ADGRV1: variants seen among roughly 807,000 people sequenced by gnomAD.
ADGRV1 encodes the protein G-protein coupled receptor 98.
A neutral mutation model predicts 596.2 loss-of-function variants in ADGRV1; 359 were observed. That is an observed-to-expected ratio of 0.60 (90% CI 0.55 to 0.66). The LOEUF (loss-of-function observed/expected upper bound fraction) is 0.66. Among genes scored for constraint, ADGRV1 ranks in the 30% least tolerant of loss-of-function variants. ADGRV1 has a pLI of 0.00. For synonymous variants in ADGRV1, 2,681 were observed against 2,679.2 expected (o/e 1.00, Z -0.02); for missense variants, 7,274 against 7,575.6 (o/e 0.96, Z 1.48).
In ADGRV1 at chr5:90,694,629, CG is replaced by C. The variant is rs1404085371; in HGVS notation, c.7874del (p.Arg2625LeufsTer11). ...CTTAGGTCAAGTGGCAGTCGAATGG[CG>C]TGTTGTTGGTGGAACAGCTACTGAA... is the stretch of plus-strand genomic sequence containing the variant. ...GSLGQVAVEW[R>X]VVGGTATEGL... On this transcript the variant is annotated frameshift_variant, in exon 33 of 90. Transcript: ENST00000405460. LOFTEE classifies it high-confidence loss of function. 1.9e-6 allele frequency: 3 copies of C among 1,613,296 alleles called. No homozygotes were observed. Among genetic ancestry groups the C allele is most frequent in the African/African-American group, 1.3e-5 (1 of 74,866 alleles).
chr5:90,894,764 T>C (rs1464828562), intron 83 of ADGRV1, among the ~76,000 whole-genome samples: 1 of 152,072 alleles, frequency 6.6e-6, no homozygotes, highest in Non-Finnish European at 1.5e-5. Context: ...CCTGTTTCAT[T>C]TTTCACCTTC....
intron 1 of ADGRV1, among the ~76,000 whole-genome samples, chr5:90,596,848 C>T (rs1273596614): frequency 2.0e-5 from 3 of 149,520 alleles, no homozygotes; most frequent in Admixed American, 6.7e-5. Context: ...AGAGGGAGAG[C>T]GAGAGGGAGA....
At chr5:91,092,986 G>T (rs747865395) in intron 86 of ADGRV1, among the ~76,000 whole-genome samples, 2 of 152,176 alleles carry the variant, frequency 1.3e-5, no homozygotes, top group African/African-American at 4.8e-5. Context: ...ATCCACACAG[G>T]TAGAGGCTGC....
At chr5:90,739,332 A>G (rs1210014756) in intron 50 of ADGRV1, among the ~76,000 whole-genome samples, 1 of 151,810 alleles carries the variant, frequency 6.6e-6, no homozygotes, top group Non-Finnish European at 1.5e-5. Flanking sequence ...AACTTTATTA[A>G]TTTCTTTTGG....
At chr5:90,892,123 A>G (rs1040008107) in intron 83 of ADGRV1, among the ~76,000 whole-genome samples, 2 of 152,096 alleles carry the variant, frequency 1.3e-5, no homozygotes, top group Non-Finnish European at 2.9e-5. Context: ...TCATTAGTGT[A>G]GATTTATCCA....
In ADGRV1 at chr5:90,635,121, C is replaced by A; in HGVS notation, c.1847C>A (p.Thr616Asn). 1.3e-6 allele frequency: 2 copies of A among 1,583,374 alleles called. No homozygotes were observed. Among genetic ancestry groups the A allele is most frequent in the Non-Finnish European group, 1.7e-6 (2 of 1,154,114 alleles). The change falls in exon 10 of 90, where the codon ACT becomes AAT. Residue 616 changes from threonine (T) to asparagine (N), a missense_variant. Physicochemically the swap from Thr to Asn is moderately conservative, Grantham distance 65. Coordinates refer to ENST00000405460, the MANE Select transcript of ADGRV1 (RefSeq NM_032119.4). Reference sequence around the variant, plus strand: ...TGTATTTGTTTATTATAGTTGGAAACTGTGGAGTTGTTAAACATAATTCCT... The same window carrying A: ...TGTATTTGTTTATTATAGTTGGAAAATGTGGAGTTGTTAAACATAATTCCT... The part of the protein sequence containing the change: ...NGAHFLVQLE[T>N]VELLNIIPLI...
intron 77 of ADGRV1, among the ~76,000 whole-genome samples, chr5:90,830,499 C>T (rs1224070721): frequency 6.6e-6 from 1 of 152,080 alleles, no homozygotes; most frequent in Non-Finnish European, 1.5e-5. Context: ...ATTTGAGGCA[C>T]ATCTTAAGCG....
At chr5:90,619,838 G>A (rs1763828291) in intron 4 of ADGRV1, among the ~76,000 whole-genome samples, 2 of 149,268 alleles carry the variant, frequency 1.3e-5, no homozygotes, top group South Asian at 4.2e-4. Context: ...ACCTATGAGT[G>A]AGAACATGCG....
chr5:90,731,679 C>T (rs1752565598), intron 50 of ADGRV1, among the ~76,000 whole-genome samples: 1 of 152,142 alleles, frequency 6.6e-6, no homozygotes, highest in Admixed American at 6.5e-5. Flanking sequence ...ATTGGAGATA[C>T]AACACTGGAA....
At chr5:90,933,813 G>A (rs1032668238) in intron 83 of ADGRV1, among the ~76,000 whole-genome samples, 2 of 152,136 alleles carry the variant, frequency 1.3e-5, no homozygotes, top group Non-Finnish European at 2.9e-5. Flanking sequence ...ACAGAGATAT[G>A]TGAGGAATAT....
At chr5:91,154,780 G>A (rs548272508) in intron 89 of ADGRV1, among the ~76,000 whole-genome samples, 17 of 152,190 alleles carry the variant, frequency 1.1e-4, no homozygotes, top group Non-Finnish European at 1.8e-4. Context: ...CAGAGTGAGG[G>A]CAAGCAGGGG....
chr5:90,942,461 G>C (rs1430016603), intron 83 of ADGRV1, among the ~76,000 whole-genome samples: 5 of 152,146 alleles, frequency 3.3e-5, no homozygotes, highest in Admixed American at 3.3e-4. Context: ...AGTTTCTCAG[G>C]GTTAATAGTG....
chr5:90,714,215 A>T (rs574169179), intron 42 of ADGRV1, among the ~76,000 whole-genome samples: 2 of 151,102 alleles, frequency 1.3e-5, no homozygotes, highest in East Asian at 3.9e-4. Context: ...TGGTTGTATT[A>T]TACATTATTG....
At chr5:90,955,244 G>A (rs779051168) in intron 83 of ADGRV1, among the ~76,000 whole-genome samples, 12 of 152,260 alleles carry the variant, frequency 7.9e-5, no homozygotes, top group Non-Finnish European at 1.8e-4. Flanking sequence ...TGTCATAACA[G>A]CCCGAACTGA....
At position 90,607,955 on chromosome 5, in the gene ADGRV1, A is replaced by AT. The variant is rs570899621; in HGVS notation, c.23-6872dup. 1.3e-3 allele frequency among the ~76,000 whole-genome samples: 204 copies of AT among 152,104 alleles called. 1 individual carries two copies. The highest frequency in any genetic ancestry group is 4.6e-3 in the African/African-American group (193 of 41,528). Reference sequence around the variant, plus strand: ...GTAACAAAGAATACAAAGAGGGAAGATTTTTTTTAAAATCAGTATTTTCTA... The same window carrying AT: ...GTAACAAAGAATACAAAGAGGGAAGATTTTTTTTTAAAATCAGTATTTTCTA... On this transcript the variant is annotated intron_variant, in intron 1 of 89. Transcript: ENST00000405460.
At chr5:90,834,935 TCTTTC>T (rs1764845537) in intron 77 of ADGRV1, among the ~76,000 whole-genome samples, 1 of 151,430 alleles carries the variant, frequency 6.6e-6, no homozygotes, top group Non-Finnish European at 1.5e-5. Context: ...TTTCTTTCTT[TCTTTC>T]TTTTTCTTTC....
chr5:90,688,045 CT>C (rs755969988), intron 29 of ADGRV1, among the ~76,000 whole-genome samples: 2 of 152,094 alleles, frequency 1.3e-5, no homozygotes, highest in Non-Finnish European at 2.9e-5. Flanking sequence ...GAAAAAACTA[CT>C]TTAAAGTTCA....
intron 85 of ADGRV1, among the ~76,000 whole-genome samples, chr5:91,070,146 T>C (rs561149674): frequency 2.6e-5 from 4 of 152,296 alleles, no homozygotes; most frequent in Admixed American, 2.0e-4. Flanking sequence ...CAAAACTAAC[T>C]TGGATATTTT....
chr5:91,088,392 T>A (rs1790071905), intron 86 of ADGRV1, among the ~76,000 whole-genome samples: 1 of 152,138 alleles, frequency 6.6e-6, no homozygotes, highest in South Asian at 2.1e-4. Context: ...ACAAACATCT[T>A]TCACAGACTT....
Sources: allele counts gnomAD v4.1 joint callset (sites outside exome capture counted in the v4.1 genomes callset), GRCh38; gene constraint gnomAD v4.1.1; transcripts MANE v1.5; gene names NCBI Gene and HGNC (gene_info 2026-07-23, HGNC 2026-07-21).